ERC2: variants seen among roughly 807,000 people sequenced by gnomAD.
ERC2 encodes ELKS/RAB6-interacting/CAST family member 2, also known as ERC protein 2.
Under a neutral mutation model 114.8 loss-of-function variants are expected in ERC2, and 42 were observed. The observed-to-expected ratio is 0.37, with a 90% CI of 0.29 to 0.47. ERC2 has a LOEUF of 0.47. ERC2 is among the 20% of genes least tolerant of loss of function. ERC2 has a pLI of 0.99. For missense variants in ERC2, 939 were observed against 1,150.7 expected, an observed-to-expected ratio of 0.82 and a Z score of 2.66; for synonymous variants, 454 against 425.5, an observed-to-expected ratio of 1.07 and a Z score of -0.82.
chr3:56,434,905 C>G lies in ERC2; in HGVS notation c.103G>C (p.Gly35Arg), dbSNP rs752537322. 2.5e-6 allele frequency: 4 copies of G among 1,613,742 alleles called. No individual in the cohort carries two copies. In the East Asian group the frequency reaches 6.7e-5, roughly 27 times the overall value. Residue 35 changes from glycine to arginine, a missense_variant, in exon 2 of 18, where the codon GGG (glycine) becomes CGG (arginine). Coordinates refer to ENST00000288221, the MANE Select transcript of ERC2 (RefSeq NM_015576.3). ...PRLGHRRTSS[G>R]GGGGTGKTLS... is the part of the protein sequence containing the mutation. Reference sequence around the variant, plus strand: ...GTCTTGCCTGTTCCTCCACCTCCCCCACTACTTGTTCTTCGGTGGCCCAAA... The same window carrying G: ...GTCTTGCCTGTTCCTCCACCTCCCCGACTACTTGTTCTTCGGTGGCCCAAA...
chr3:55,818,938 G>T (rs1479874956), intron 14 of ERC2, among the ~76,000 whole-genome samples: 2 of 152,162 alleles, frequency 1.3e-5, no homozygotes, highest in Non-Finnish European at 2.9e-5. Context: ...GTCTACTTGG[G>T]CACATAGGAA....
chr3:56,409,491 C>A (rs2060856473), intron 2 of ERC2, among the ~76,000 whole-genome samples: 4 of 133,248 alleles, frequency 3.0e-5, no homozygotes, highest in Admixed American at 7.8e-5. Flanking sequence ...GTTTGCATAC[C>A]AATTATACCA....
intron 3 of ERC2, among the ~76,000 whole-genome samples, chr3:56,184,387 G>C (rs2083465838): frequency 6.6e-6 from 1 of 152,142 alleles, no homozygotes; most frequent in Admixed American, 6.5e-5. Flanking sequence ...CTGTCTAATG[G>C]AAAAGGGAAT....
At chr3:56,167,307 T>G (rs1330841490) in intron 4 of ERC2, among the ~76,000 whole-genome samples, 8 of 152,160 alleles carry the variant, frequency 5.3e-5, no homozygotes, top group Non-Finnish European at 1.2e-4. Flanking sequence ...GTACACAAAA[T>G]AGTTGCTCAG....
At chr3:55,768,993 T>C (rs1025271657) in intron 14 of ERC2, among the ~76,000 whole-genome samples, 2 of 152,140 alleles carry the variant, frequency 1.3e-5, no homozygotes, top group Non-Finnish European at 2.9e-5. Flanking sequence ...ATCTGTAAAA[T>C]GAGACATTGG....
chr3:55,639,390 A>G (rs1009740345), intron 17 of ERC2, among the ~76,000 whole-genome samples: 1 of 152,134 alleles, frequency 6.6e-6, no homozygotes, highest in African/African-American at 2.4e-5. Flanking sequence ...GCCAGCGAAG[A>G]CAATGTATTC....
At chr3:55,921,651 C>T (rs1489053051) in intron 13 of ERC2, among the ~76,000 whole-genome samples, 1 of 151,848 alleles carries the variant, frequency 6.6e-6, no homozygotes, top group Non-Finnish European at 1.5e-5. Flanking sequence ...TTTTGAGCCA[C>T]AAAAATGAAA....
chr3:55,518,430 A>G (rs1293852503), intron 17 of ERC2, among the ~76,000 whole-genome samples: 1 of 152,264 alleles, frequency 6.6e-6, no homozygotes, highest in Non-Finnish European at 1.5e-5. Context: ...ATGAAAATGT[A>G]CAACTTTTCT....
chr3:56,166,651 T>C (rs899666255), intron 4 of ERC2, among the ~76,000 whole-genome samples: 3 of 152,100 alleles, frequency 2.0e-5, no homozygotes, highest in African/African-American at 7.2e-5. Context: ...AAAGAATTTT[T>C]TCATTTATCT....
chr3:55,647,930 G>A (rs185139999), intron 17 of ERC2, among the ~76,000 whole-genome samples: 2 of 152,340 alleles, frequency 1.3e-5, no homozygotes, highest in East Asian at 3.9e-4. Flanking sequence ...TGGAGCAGAA[G>A]TGGGCTACTT....
intron 17 of ERC2, among the ~76,000 whole-genome samples, chr3:55,551,975 GT>G (rs2055239161): frequency 6.6e-6 from 1 of 152,118 alleles, no homozygotes; most frequent in South Asian, 2.1e-4. Flanking sequence ...TGTTGGTGAA[GT>G]GTTTTGAAAC....
At chr3:56,327,445 A>C (rs1204278210) in intron 2 of ERC2, among the ~76,000 whole-genome samples, 2 of 152,216 alleles carry the variant, frequency 1.3e-5, no homozygotes, top group African/African-American at 4.8e-5. Context: ...TTACAATTCA[A>C]GATTAGACAC....
intron 14 of ERC2, among the ~76,000 whole-genome samples, chr3:55,828,457 T>TGGCAAGCAGGGGCAGCAGGCGCAGCAGG (rs2060424286): frequency 1.6e-5 from 2 of 126,234 alleles, no homozygotes; most frequent in Admixed American, 8.4e-5. Context: ...GGAGTGTAGC[T>TGGCAAGCAGGGGCAGCAGGCGCAGCAGG]GGCAGCAGGG....
intron 1 of ERC2, among the ~76,000 whole-genome samples, chr3:56,438,162 T>C: frequency 6.6e-6 from 1 of 152,146 alleles, no homozygotes; most frequent in Non-Finnish European, 1.5e-5. Context: ...CTTATCTGAG[T>C]TCCTTTCTAA....
intron 7 of ERC2, among the ~76,000 whole-genome samples, chr3:56,030,123 G>A (rs1364129707): frequency 1.3e-5 from 2 of 152,036 alleles, no homozygotes; most frequent in African/African-American, 4.8e-5. Flanking sequence ...AGATCCCCTT[G>A]TCTGTCTGTT....
chr3:55,914,148 T>C (rs1057008912), intron 13 of ERC2, among the ~76,000 whole-genome samples: 28 of 152,172 alleles, frequency 1.8e-4, no homozygotes, highest in Admixed American at 8.5e-4. Flanking sequence ...ATTATTTTCA[T>C]GAAGTTTGTT....
At chr3:56,456,064 G>A (rs552715921) in intron 1 of ERC2, among the ~76,000 whole-genome samples, 19 of 152,306 alleles carry the variant, frequency 1.2e-4, no homozygotes, top group South Asian at 4.1e-4. Context: ...AATTTTATGC[G>A]TATCCCTTTC....
intron 6 of ERC2, among the ~76,000 whole-genome samples, chr3:56,105,707 A>G (rs943361863): frequency 5.3e-5 from 8 of 152,176 alleles, no homozygotes; most frequent in Admixed American, 6.5e-5. Flanking sequence ...AGCAGGGAGA[A>G]GTTAGGAGGC....
intron 14 of ERC2, among the ~76,000 whole-genome samples, chr3:55,813,615 T>G (rs59686659): frequency 0.096 from 14,688 of 152,256 alleles, 1,169 homozygotes; most frequent in African/African-American, 0.21. Flanking sequence ...GGGAACTGTC[T>G]GACCAGGTAG....
Sources: allele counts gnomAD v4.1 joint callset (sites outside exome capture counted in the v4.1 genomes callset), GRCh38; gene constraint gnomAD v4.1.1; transcripts MANE v1.5; gene names NCBI Gene and HGNC (gene_info 2026-07-23, HGNC 2026-07-21).